Variants in CECR2 observed in about 807,000 individuals in gnomAD.
CECR2 encodes the protein CECR2 histone acetyl-lysine reader.
In CECR2, 30 loss-of-function variants were observed where a neutral mutation model predicts 154.5. The ratio of observed to expected loss-of-function variants is 0.19; its 90% CI spans 0.15 to 0.26. CECR2 has a LOEUF of 0.26. CECR2 is among the 10% of genes least tolerant of loss of function. The pLI, the probability that CECR2 is intolerant of heterozygous loss-of-function variation, is 1.00. For synonymous variants in CECR2, 725 were observed against 683.7 expected (o/e 1.06, Z -0.94); for missense variants, 1,743 against 1,829.3 (o/e 0.95, Z 0.86).
intron 1 of CECR2, among the ~76,000 whole-genome samples, chr22:17,471,865 T>C (rs1443076730): frequency 6.6e-6 from 1 of 152,210 alleles, no homozygotes; most frequent in Admixed American, 6.5e-5. Context: ...AGAAGACTCA[T>C]GGAACTTCTT....
chr22:17,479,719 T>C (rs2055272436), intron 2 of CECR2, among the ~76,000 whole-genome samples: 1 of 151,572 alleles, frequency 6.6e-6, no homozygotes, highest in Non-Finnish European at 1.5e-5. Context: ...CAAATAAACC[T>C]ATGAAGAAAT....
chr22:17,555,405 T>G lies in CECR2; in HGVS notation c.*2565T>G, dbSNP rs1444930441. 1 of 152,270 alleles carries G rather than the reference T, an allele frequency of 6.6e-6. No individual in the cohort carries two copies. Among genetic ancestry groups the G allele is most frequent in the African/African-American group, 2.4e-5 (1 of 41,444 alleles). The allele number at this position is 152,270 out of a possible 1,614,324, so 9.4% of individuals were successfully genotyped here. ...CCTGTGTGGGAATGTGTCCATGCCT[T>G]ATAGGTACTAGTGCTTCGTCCATTG... On this transcript the variant is annotated 3_prime_UTR_variant, in exon 19 of 19. Coordinates refer to ENST00000262608, the MANE Select transcript of CECR2 (RefSeq NM_001290047.2).
intron 1 of CECR2, among the ~76,000 whole-genome samples, chr22:17,448,439 C>T (rs1403765324): frequency 6.6e-6 from 1 of 152,174 alleles, no homozygotes; most frequent in African/African-American, 2.4e-5. Context: ...ATAACTTTGA[C>T]ATCAACTAGC....
rs560421523 is a variant in CECR2 at position 17,470,157 on chromosome 22, G to A, written c.127-7431G>A. Among the ~76,000 whole-genome samples the A allele has an allele frequency of 4.6e-5, 7 of 152,078 alleles. No individual in the cohort carries two copies. The South Asian group carries it at 1.5e-3, about 32-fold the overall frequency. Reference sequence around the variant, plus strand: ...AAATTATATATAAAATTTTCTGTGGGCCAGGCATGGTGGCTCACGCATGTA... The same window carrying A: ...AAATTATATATAAAATTTTCTGTGGACCAGGCATGGTGGCTCACGCATGTA... On this transcript the variant is annotated intron_variant, in intron 1 of 18. Transcript: ENST00000262608.
chr22:17,517,081 C>G (rs1209082237), intron 8 of CECR2, among the ~76,000 whole-genome samples: 1 of 151,210 alleles, frequency 6.6e-6, no homozygotes, highest in Non-Finnish European at 1.5e-5. Context: ...GTTTCACCAT[C>G]TTGGCCAGGC....
chr22:17,548,024 A>G (rs2056640391), intron 16 of CECR2, 124 bp from the exon 17 acceptor site: 2 of 910,786 alleles, frequency 2.2e-6, no homozygotes, highest in Non-Finnish European at 3.2e-6. Flanking sequence ...GACTCAAACA[A>G]TTTCCAGGTG....
chr22:17,434,598 T>C (rs2054474631), intron 1 of CECR2, among the ~76,000 whole-genome samples: 1 of 151,932 alleles, frequency 6.6e-6, no homozygotes. Context: ...TAGAAATAAG[T>C]TCACCCCCAC....
chr22:17,487,907 A>G (rs1184602269), intron 2 of CECR2, among the ~76,000 whole-genome samples: 1 of 151,258 alleles, frequency 6.6e-6, no homozygotes, highest in Non-Finnish European at 1.5e-5. Context: ...TTTTGAGAGA[A>G]GTCTCGCTCT....
At chr22:17,505,138 C>A in intron 7 of CECR2, 122 bp downstream of exon 7, 1 of 930,932 alleles carries the variant, frequency 1.1e-6, no homozygotes, top group Non-Finnish European at 1.6e-6. Flanking sequence ...GTCTTCCATC[C>A]TGTCTGAACT....
intron 8 of CECR2, among the ~76,000 whole-genome samples, chr22:17,522,117 G>C (rs2056169679): frequency 6.6e-6 from 1 of 152,108 alleles, no homozygotes; most frequent in African/African-American, 2.4e-5. Flanking sequence ...CTATATCTCT[G>C]TTTTGGTACC....
Position 17,558,017 on chromosome 22 carries a change from ATAGT to A in CECR2, c.*5183_*5186del, listed in dbSNP as rs1304434047. On this transcript the variant is annotated 3_prime_UTR_variant, in exon 19 of 19. Transcript: ENST00000262608. ...TTCACTGAGAGCGACACTTACCTCA[ATAGT>A]TAGTTCAATATTGTGTGTTGGATAA... 2.0e-5 allele frequency: 3 copies of A among 152,248 alleles called. No individual in the cohort carries two copies. The highest frequency in any genetic ancestry group is 6.5e-5 in the Admixed American group (1 of 15,290). The allele number at this position is 152,248 out of a possible 1,614,324, so 9.4% of individuals were successfully genotyped here.
chr22:17,489,264 G>C (rs998999284), intron 2 of CECR2, among the ~76,000 whole-genome samples: 1 of 152,120 alleles, frequency 6.6e-6, no homozygotes, highest in Non-Finnish European at 1.5e-5. Flanking sequence ...AACATCTGCT[G>C]TTTTTAATTT....
intron 1 of CECR2, among the ~76,000 whole-genome samples, chr22:17,425,892 A>T (rs1467039968): frequency 6.6e-6 from 1 of 152,236 alleles, no homozygotes; most frequent in Non-Finnish European, 1.5e-5. Context: ...GATCTACAGA[A>T]ATTGGTGAAT....
upstream of CECR2, among the ~76,000 whole-genome samples, chr22:17,365,217 TC>T (rs1448210523): frequency 6.6e-6 from 1 of 151,436 alleles, no homozygotes; most frequent in Non-Finnish European, 1.5e-5. Context: ...AGAGTGAAAC[TC>T]TGTCTAAAAA....
chr22:17,425,617 TG>T (rs1254098787), intron 1 of CECR2, among the ~76,000 whole-genome samples: 1 of 152,142 alleles, frequency 6.6e-6, no homozygotes, highest in Non-Finnish European at 1.5e-5. Context: ...TTGAGTTAAA[TG>T]TTGAAGAAGC....
intron 1 of CECR2, among the ~76,000 whole-genome samples, chr22:17,409,908 G>A (rs2146562570): frequency 9.0e-6 from 1 of 111,618 alleles, no homozygotes; most frequent in East Asian, 2.0e-4. Flanking sequence ...CCATATTTGT[G>A]TTCTGAACTG....
chr22:17,455,521 CATT>C (rs1296777741), intron 1 of CECR2, among the ~76,000 whole-genome samples: 8 of 152,170 alleles, frequency 5.3e-5, no homozygotes, highest in Admixed American at 1.3e-4. Context: ...CATGGTCTAT[CATT>C]ATAATGTCTT....
rs906840877 is a variant in CECR2 at position 17,504,286 on chromosome 22, G to T, written c.701-561G>T. On this transcript the variant is annotated intron_variant, in intron 6 of 18. Coordinates refer to ENST00000262608, the MANE Select transcript of CECR2 (RefSeq NM_001290047.2). ...TACTTGGGGGGTGCTGAGATGGGAA[G>T]ATGGCTTGAGCCCAGGAGGTGTAGG... 3.3e-5 allele frequency among the ~76,000 whole-genome samples: 5 copies of T among 151,660 alleles called. 1 individual carries two copies. The East Asian group carries it at 9.7e-4, about 29-fold the overall frequency.
chr22:17,398,015 G>T lies in CECR2; in HGVS notation c.126+28106G>T, dbSNP rs116625815. On this transcript the variant is annotated intron_variant, in intron 1 of 18. Coordinates refer to ENST00000262608, the MANE Select transcript of CECR2 (RefSeq NM_001290047.2). ...CTGTCGGCCTCTGTACTCTTAGCTT[G>T]CATGGGGAGGAACAAGCCCCTCTTT... Among the ~76,000 whole-genome samples the T allele has an allele frequency of 2.1e-3, 313 of 152,224 alleles. 1 individual carries two copies. Among genetic ancestry groups the T allele is most frequent in the African/African-American group, 6.9e-3 (288 of 41,522 alleles).
Sources: allele counts gnomAD v4.1 joint callset (sites outside exome capture counted in the v4.1 genomes callset), GRCh38; gene constraint gnomAD v4.1.1; transcripts MANE v1.5; gene names NCBI Gene and HGNC (gene_info 2026-07-23, HGNC 2026-07-21).